Variants in PRMT9 observed in about 807,000 individuals in gnomAD.
PRMT9 encodes protein arginine methyltransferase 9.
Under a neutral mutation model 83.2 loss-of-function variants are expected in PRMT9, and 59 were observed. The observed-to-expected ratio is 0.71, with a 90% CI of 0.57 to 0.88. The LOEUF is 0.88. Ranked by LOEUF, PRMT9 falls within the 40% of genes least tolerant of loss-of-function variation. The pLI, the probability that PRMT9 is intolerant of heterozygous loss-of-function variation, is 0.00. For missense variants in PRMT9, 947 were observed against 1,021.9 expected (o/e 0.93, Z 1.00); for synonymous variants, 333 against 353.2 (o/e 0.94, Z 0.64).
rs115042852 is a variant in PRMT9, at chr4:147,639,279, G to T, written c.2200-197C>A. On this transcript the variant is annotated intron_variant, in intron 10 of 11. Coordinates refer to ENST00000322396, the MANE Select transcript of PRMT9 (RefSeq NM_138364.4). ...GCTGGCTTTCATTAGAACTTTCATT[G>T]TTCCAGTACAAAAAGAATGAACAAA... is the stretch of plus-strand genomic sequence containing the variant. The T allele has an allele frequency of 3.3e-3, 1,753 of 532,144 alleles. 22 individuals carry two copies. The highest frequency in any genetic ancestry group is 0.031 in the African/African-American group (1,597 of 52,224). 33.0% of individuals were successfully genotyped at this position (532,144 alleles called of 1,614,324 possible). A position where few individuals can be genotyped will look rare whatever the true frequency, so the allele number is the denominator to read the frequency against.
intron 10 of PRMT9, 161 bp from the exon 11 acceptor site, chr4:147,639,243 A>C: frequency 1.6e-6 from 1 of 626,892 alleles, no homozygotes; most frequent in Non-Finnish European, 2.8e-6. Context: ...ATATTCCCAC[A>C]TCAAGCTAAG....
rs147339843 is a variant in PRMT9 at position 147,668,623 on chromosome 4, C to T, written c.869G>A (p.Cys290Tyr). Residue 290 changes from cysteine (C) to tyrosine (Y), a missense_variant, in exon 6 of 12, where the codon TGT becomes TAT. Physicochemically the swap from Cys to Tyr is radical, Grantham distance 194 (BLOSUM62 -2). Transcript: ENST00000322396. ...TGGTATAACTTTCCCATACTTTTCACAATTAGCACTTTCACCTTTGGTCTA... is the reference window on the plus strand; with the variant it reads ...TGGTATAACTTTCCCATACTTTTCATAATTAGCACTTTCACCTTTGGTCTA... ...QPKTKGESAN[C>Y]EKYGKVIPAS... 43 of 1,609,856 alleles carry T rather than the reference C, an allele frequency of 2.7e-5. No homozygotes were observed. The African/African-American group carries it at 4.7e-4, about 17-fold the overall frequency.
At position 147,639,054 on chromosome 4, in the gene PRMT9, G is replaced by T; in HGVS notation, c.2228C>A (p.Ser743Tyr). Residue 743 changes from serine to tyrosine, a missense_variant, in exon 11 of 12, where the codon TCC (serine) becomes TAC (tyrosine). Coordinates refer to ENST00000322396, the MANE Select transcript of PRMT9 (RefSeq NM_138364.4). ...GCTTAAAGGTATACAGGGCAATGAG[G>T]ATAGGTCCAAAAATACACGTATAGG... The part of the protein sequence containing the change: ...QVPIRVFLDL[S>Y]SLPCIPLSKP... 6.2e-7 allele frequency: 1 copy of T among 1,613,300 alleles called. No homozygotes were observed. The highest frequency in any genetic ancestry group is 8.5e-7 in the Non-Finnish European group (1 of 1,179,428).
At chr4:147,646,859 T>C (rs1212449794) in intron 9 of PRMT9, among the ~76,000 whole-genome samples, 2 of 152,174 alleles carry the variant, frequency 1.3e-5, no homozygotes, top group Non-Finnish European at 2.9e-5. Flanking sequence ...TCTATAAATC[T>C]GAAACCACCT....
At position 147,683,825 on chromosome 4, in the gene PRMT9, C is replaced by T. The variant is rs750333318; in HGVS notation, c.163G>A (p.Ala55Thr). ...YAHYLLVLSL[A>T]PELKHDVKET... ...TTCACGTCGTGTTTCAGCTCCGGCGCCAGGCTGAGCACGAGGAGGTAGTGG... is the reference window on the plus strand; with the variant it reads ...TTCACGTCGTGTTTCAGCTCCGGCGTCAGGCTGAGCACGAGGAGGTAGTGG... The change falls in exon 1 of 12, where the codon GCG becomes ACG. Residue 55 changes from alanine to threonine, a missense_variant. By Grantham distance (58) the Ala-to-Thr change is moderately conservative. Coordinates refer to ENST00000322396, the MANE Select transcript of PRMT9 (RefSeq NM_138364.4). 2.5e-6 allele frequency: 4 copies of T among 1,613,170 alleles called. No homozygotes were observed. Among genetic ancestry groups the T allele is most frequent in the Non-Finnish European group, 3.4e-6 (4 of 1,179,922 alleles).
chr4:147,680,376 T>C lies in PRMT9; in HGVS notation c.285A>G (p.Glu95=). 6.2e-7 allele frequency: 1 copy of C among 1,614,090 alleles called. No homozygotes were observed. Among genetic ancestry groups the C allele is most frequent in the South Asian group, 1.1e-5 (1 of 91,086 alleles). ...AAATCACTTCATCATCAGGAAACAGTTCCAAGGCCTGCTCATAGCAACCAA... is the reference window on the plus strand; with the variant it reads ...AAATCACTTCATCATCAGGAAACAGCTCCAAGGCCTGCTCATAGCAACCAA... ...DLLGCYEQAL[E]LFPDDEVICN... The change falls in exon 2 of 12, where the codon GAA becomes GAG. Residue 95 remains glutamate, a synonymous_variant. Coordinates refer to ENST00000322396, the MANE Select transcript of PRMT9 (RefSeq NM_138364.4).
At position 147,668,532 on chromosome 4, in the gene PRMT9, C is replaced by T. The variant is rs1414652480; in HGVS notation, c.953+7G>A. 6.6e-7 allele frequency: 1 copy of T among 1,515,940 alleles called. No homozygotes were observed. The highest frequency in any genetic ancestry group is 1.7e-5 in the Admixed American group (1 of 59,882). 93.9% of individuals were successfully genotyped at this position (1,515,940 alleles called of 1,614,324 possible). A position where few individuals can be genotyped will look rare whatever the true frequency, so the allele number is the denominator to read the frequency against. On this transcript the variant is annotated splice_region_variant and intron_variant, in intron 6 of 11. Coordinates refer to ENST00000322396, the MANE Select transcript of PRMT9 (RefSeq NM_138364.4). ...ATAGCAGTGTGAAAATGGACTAATA[C>T]ACTTACCTATGATGTCTTCTTATCT...
chr4:147,669,100 T>G (rs1471182350), intron 5 of PRMT9, among the ~76,000 whole-genome samples: 3 of 150,406 alleles, frequency 2.0e-5, no homozygotes, highest in Non-Finnish European at 4.4e-5. Context: ...AAAAAAAAAG[T>G]ATTTTTGGCC....
chr4:147,651,569 A>G (rs1056667419), intron 9 of PRMT9, among the ~76,000 whole-genome samples: 1 of 152,244 alleles, frequency 6.6e-6, no homozygotes, highest in Non-Finnish European at 1.5e-5. Flanking sequence ...AATGGGCAAG[A>G]CTTGAATAGA....
chr4:147,668,796 A>G (rs1314020214), intron 5 of PRMT9, 151 bp from the exon 6 acceptor site: 3 of 624,654 alleles, frequency 4.8e-6, no homozygotes, highest in Non-Finnish European at 8.3e-6. Flanking sequence ...TCCTTAAAAA[A>G]TATTTTTGGG....
chr4:147,674,364 T>C (rs1165919509), intron 2 of PRMT9, among the ~76,000 whole-genome samples: 1 of 152,050 alleles, frequency 6.6e-6, no homozygotes, highest in Admixed American at 6.6e-5. Flanking sequence ...ACTAAGTAAA[T>C]AAATATCACC....
chr4:147,681,031 T>C (rs1235017412), intron 1 of PRMT9, among the ~76,000 whole-genome samples: 2 of 152,236 alleles, frequency 1.3e-5, no homozygotes, highest in East Asian at 3.8e-4. Context: ...ATCTTGTTCT[T>C]ATCCTCACAG....
At position 147,654,096 on chromosome 4, in the gene PRMT9, G is replaced by C; in HGVS notation, c.1801C>G (p.Leu601Val). The change falls in exon 9 of 12, where the codon CTT (leucine) becomes GTT (valine). Residue 601 changes from leucine to valine, a missense_variant. Physicochemically the swap from Leu to Val is conservative, Grantham distance 32 (BLOSUM62 1). Coordinates refer to ENST00000322396, the MANE Select transcript of PRMT9 (RefSeq NM_138364.4). The part of the protein sequence containing the change: ...FSVLPVIAGT[L>V]GQVKPYSSVE... The stretch of plus-strand genomic sequence containing the variant: ...GAACTGTATGGTTTAACCTGCCCAA[G>C]TGTGCCAGCAATAACAGGCAGAACA... 6.2e-7 allele frequency: 1 copy of C among 1,614,166 alleles called. No individual in the cohort carries two copies. The highest frequency in any genetic ancestry group is 8.5e-7 in the Non-Finnish European group (1 of 1,180,010).
intron 1 of PRMT9, among the ~76,000 whole-genome samples, chr4:147,682,065 G>GCA (rs1166458676): frequency 6.6e-6 from 1 of 152,190 alleles, no homozygotes; most frequent in Non-Finnish European, 1.5e-5. Flanking sequence ...GAGTGCAATG[G>GCA]CACAATCTGG....
chr4:147,672,497 T>C (rs899262382), intron 4 of PRMT9, among the ~76,000 whole-genome samples: 7 of 152,268 alleles, frequency 4.6e-5, no homozygotes, highest in Non-Finnish European at 1.0e-4. Flanking sequence ...ATATGACTTA[T>C]ATTCAAATCA....
At chr4:147,673,519 C>T in intron 3 of PRMT9, 119 bp downstream of exon 3, 1 of 772,926 alleles carries the variant, frequency 1.3e-6, no homozygotes, top group Non-Finnish European at 2.3e-6. Flanking sequence ...ACATAAATAA[C>T]CCTAACAAGA....
intron 1 of PRMT9, 54 bp from the exon 2 acceptor site, chr4:147,680,525 A>C: frequency 7.8e-7 from 1 of 1,282,296 alleles, no homozygotes; most frequent in Non-Finnish European, 1.1e-6. Flanking sequence ...AAGATGAAAG[A>C]ATATACATCA....
intron 6 of PRMT9, among the ~76,000 whole-genome samples, chr4:147,665,864 A>G (rs1475814998): frequency 6.6e-6 from 1 of 152,216 alleles, no homozygotes; most frequent in Non-Finnish European, 1.5e-5. Flanking sequence ...AAACATTCAG[A>G]TAATTTGTTT....
At chr4:147,649,476 T>C (rs1341725255) in intron 9 of PRMT9, among the ~76,000 whole-genome samples, 1 of 151,930 alleles carries the variant, frequency 6.6e-6, no homozygotes, top group East Asian at 1.9e-4. Flanking sequence ...TATTTTAAAC[T>C]AGCATGAGTG....
Sources: allele counts gnomAD v4.1 joint callset (sites outside exome capture counted in the v4.1 genomes callset), GRCh38; gene constraint gnomAD v4.1.1; transcripts MANE v1.5; gene names NCBI Gene and HGNC (gene_info 2026-07-23, HGNC 2026-07-21).